Variants in NEK5 observed in about 807,000 individuals in gnomAD.
NEK5 encodes NIMA related kinase 5.
A neutral mutation model predicts 109.2 loss-of-function variants in NEK5; 88 were observed. The observed-to-expected ratio is 0.81, with a 90% confidence interval of 0.68 to 0.96. The LOEUF (loss-of-function observed/expected upper bound fraction) is 0.96. Ranked by LOEUF, NEK5 falls within the 40% of genes least tolerant of loss-of-function variation. NEK5 has a pLI of 0.00. For synonymous variants in NEK5, 283 were observed against 299.9 expected (o/e 0.94, Z 0.58); for missense variants, 834 against 920.7 (o/e 0.91, Z 1.22).
chr13:52,071,230 G>A lies in NEK5; in HGVS notation c.1849+714C>T, dbSNP rs552265192. 1.6e-4 allele frequency among the ~76,000 whole-genome samples: 25 copies of A among 152,276 alleles called. No individual in the cohort carries two copies. The South Asian group carries it at 5.2e-3, about 32-fold the overall frequency. On this transcript the variant is annotated intron_variant, in intron 20 of 23. Transcript: ENST00000684899. ...AACAAAAAGGGAGGGGTCCCAGGTT[G>A]GGGGTGGGGATGGGGGAACAACTGT...
chr13:52,060,611 G>A (rs890588377), intron 22 of NEK5, among the ~76,000 whole-genome samples: 3 of 151,908 alleles, frequency 2.0e-5, no homozygotes, highest in Non-Finnish European at 2.9e-5. Context: ...CTCCCAAAGT[G>A]CCGGGATTAC....
chr13:52,087,748 T>C (rs1288527180), intron 14 of NEK5, among the ~76,000 whole-genome samples: 4 of 149,428 alleles, frequency 2.7e-5, no homozygotes, highest in Admixed American at 1.3e-4. Context: ...GTCTCAGCCT[T>C]CCGAGTAGCT....
At chr13:52,104,265 C>A (rs1365654644) in intron 9 of NEK5, among the ~76,000 whole-genome samples, 1 of 152,156 alleles carries the variant, frequency 6.6e-6, no homozygotes, top group African/African-American at 2.4e-5. Flanking sequence ...GCCAAGCCCA[C>A]ACAATTTATT....
At chr13:52,068,606 A>T (rs1954728906) in intron 20 of NEK5, among the ~76,000 whole-genome samples, 1 of 152,186 alleles carries the variant, frequency 6.6e-6, no homozygotes, top group Non-Finnish European at 1.5e-5. Context: ...TCTTATAAAG[A>T]AAAAAACAAA....
chr13:52,090,255 T>C (rs1314396051), intron 13 of NEK5, among the ~76,000 whole-genome samples: 3 of 152,232 alleles, frequency 2.0e-5, no homozygotes, highest in Admixed American at 2.0e-4. Flanking sequence ...TCTGTAATTA[T>C]TGGTTGCTAA....
chr13:52,102,983 A>C (rs1260271184), intron 9 of NEK5, among the ~76,000 whole-genome samples: 15 of 152,240 alleles, frequency 9.9e-5, no homozygotes, highest in Admixed American at 9.8e-4. Context: ...AGTTGAGGTC[A>C]TATTGATATG....
At position 52,034,001 on chromosome 13, in the gene NEK5, C is replaced by T. The variant is rs1954333414; in HGVS notation, c.*2947G>A. Reference sequence around the variant, plus strand: ...TTTCCCACTCTAAATGTAAGGCAACCCTTGGCTTTGGAGAAGCATCTGTTC... The same window carrying T: ...TTTCCCACTCTAAATGTAAGGCAACTCTTGGCTTTGGAGAAGCATCTGTTC... On this transcript the variant is annotated 3_prime_UTR_variant, in exon 24 of 24. Transcript: ENST00000684899. 6.6e-6 allele frequency: 1 copy of T among 152,158 alleles called. No individual in the cohort carries two copies. Among genetic ancestry groups the T allele is most frequent in the Non-Finnish European group, 1.5e-5 (1 of 68,022 alleles). 9.4% of individuals were successfully genotyped at this position (152,158 alleles called of 1,614,324 possible). A position where few individuals can be genotyped will look rare whatever the true frequency, so the allele number is the denominator to read the frequency against.
At chr13:52,093,314 C>T in intron 12 of NEK5, 79 bp from the exon 13 acceptor site, 1 of 1,036,186 alleles carries the variant, frequency 9.7e-7, no homozygotes. Context: ...AACCCTAGCA[C>T]TTTGGGAGGC....
chr13:52,038,170 C>CAAAAAATT (rs145796740), intron 23 of NEK5, among the ~76,000 whole-genome samples: 15,655 of 151,878 alleles, frequency 0.1, 797 homozygotes, highest in Middle Eastern at 0.13. Flanking sequence ...ACTAAAAATA[C>CAAAAAATT]AAAAAATTAG....
At chr13:52,081,341 C>A (rs1204385851) in intron 17 of NEK5, among the ~76,000 whole-genome samples, 1 of 152,094 alleles carries the variant, frequency 6.6e-6, no homozygotes, top group African/African-American at 2.4e-5. Context: ...TCTGGAGGAG[C>A]CTTCAGGAAA....
In NEK5 at chr13:52,087,365, T is replaced by C. The variant is rs757631833; in HGVS notation, c.1365A>G (p.Pro455=). ...NGEEPRFQEL[P]FRKNEMKEQE... ...GTTCCTTCATTTCGTTTTTCCTAAA[T>C]GGCAGCTCCTGGAATCTAGGCTCTT... The change falls in exon 15 of 24, where the codon CCA becomes CCG. Residue 455 remains proline (P), a synonymous_variant. Coordinates refer to ENST00000684899, the MANE Select transcript of NEK5 (RefSeq NM_001365552.1). 2 of 1,601,426 alleles carry C rather than the reference T, an allele frequency of 1.2e-6. No individual in the cohort carries two copies. Among genetic ancestry groups the C allele is most frequent in the South Asian group, 1.1e-5 (1 of 90,510 alleles).
chr13:52,123,787 G>A (rs561869595), intron 3 of NEK5, among the ~76,000 whole-genome samples: 1 of 152,228 alleles, frequency 6.6e-6, no homozygotes, highest in South Asian at 2.1e-4. Context: ...TACAGAGAAG[G>A]ATAAATTCTT....
chr13:52,051,573 G>A (rs559374700), intron 22 of NEK5, among the ~76,000 whole-genome samples: 1 of 152,168 alleles, frequency 6.6e-6, no homozygotes, highest in African/African-American at 2.4e-5. Flanking sequence ...TGTACTGTGA[G>A]AGAGAACTGA....
At chr13:52,084,760 AGAGTGTGTGTGTGTGTGTGTGT>A (rs1955100764) in intron 16 of NEK5, among the ~76,000 whole-genome samples, 2 of 36,568 alleles carry the variant, frequency 5.5e-5, no homozygotes, top group African/African-American at 1.4e-4. Flanking sequence ...AGAGAGAGAG[AGAGTGTGTGTGTGTGTGTGTGT>A]GTGTGTGTGT....
rs191800996 is a variant in NEK5, at chr13:52,047,111, A to C, written c.2228+2993T>G. Among the ~76,000 whole-genome samples the C allele has an allele frequency of 3.9e-3, 592 of 152,308 alleles. 4 individuals carry two copies. The highest frequency in any genetic ancestry group is 0.013 in the African/African-American group (549 of 41,568). The stretch of plus-strand genomic sequence containing the variant: ...ATCTGACAACACACTGAGCAAGAGA[A>C]TGGGGAAATAGGCACTTCTAGATAC... On this transcript the variant is annotated intron_variant, in intron 23 of 23. Coordinates refer to ENST00000684899, the MANE Select transcript of NEK5 (RefSeq NM_001365552.1).
intron 13 of NEK5, among the ~76,000 whole-genome samples, chr13:52,089,966 A>C (rs1312355680): frequency 6.6e-6 from 1 of 152,028 alleles, no homozygotes; most frequent in Non-Finnish European, 1.5e-5. Flanking sequence ...CATCTCAAAA[A>C]AAAAAGAAAA....
Position 52,119,344 on chromosome 13 carries a change from A to G in NEK5, c.189T>C (p.Ile63=). The change falls in exon 4 of 24, where the codon ATT becomes ATC. Residue 63 remains isoleucine (I), a synonymous_variant. Transcript: ENST00000684899. The stretch of plus-strand genomic sequence containing the variant: ...CTTGAAATGAATTGAAGAAGGCTAC[A>G]ATGTTGGGATGTTTCATCTTTTCCA... ...ILLEKMKHPN[I]VAFFNSFQEN... is the part of the protein sequence containing the mutation. 1 of 1,597,972 alleles carries G rather than the reference A, an allele frequency of 6.3e-7. No homozygotes were observed. Among genetic ancestry groups the G allele is most frequent in the Non-Finnish European group, 8.6e-7 (1 of 1,168,306 alleles).
At chr13:52,079,753 G>A (rs1566762573) in intron 17 of NEK5, among the ~76,000 whole-genome samples, 2 of 151,638 alleles carry the variant, frequency 1.3e-5, no homozygotes, top group East Asian at 2.0e-4. Context: ...GTCTCTGCCC[G>A]GCCGCCCATC....
At chr13:52,067,895 T>C (rs1954716515) in intron 20 of NEK5, among the ~76,000 whole-genome samples, 1 of 152,066 alleles carries the variant, frequency 6.6e-6, no homozygotes, top group Non-Finnish European at 1.5e-5. Context: ...TTTAGCCATA[T>C]TGGCCAGGCT....
Sources: gnomAD v4.1 joint callset for allele counts (sites outside exome capture counted in the v4.1 genomes callset) on GRCh38, gnomAD v4.1.1 for gene constraint, MANE v1.5 for transcripts, NCBI Gene and HGNC (gene_info 2026-07-23, HGNC 2026-07-21) for gene names.